The following CCDC91 variants were observed in gnomAD, a reference collection of about 807,000 sequenced individuals.
CCDC91 encodes coiled-coil domain containing 91, also known as coiled-coil domain-containing protein 91.
CCDC91 carries 48 observed loss-of-function variants against 63.2 expected under a neutral mutation model. The ratio of observed to expected loss-of-function variants is 0.76; its 90% confidence interval spans 0.60 to 0.97. The LOEUF is 0.97. Among genes scored for constraint, CCDC91 ranks in the 50% least tolerant of loss-of-function variants. The pLI is 0.00. For synonymous variants in CCDC91, 167 were observed against 165.8 expected, an observed-to-expected ratio of 1.01 and a Z score of -0.06; for missense variants, 500 against 494.6, an observed-to-expected ratio of 1.01 and a Z score of -0.10.
chr12:28,294,875 AC>A (rs2136878138), intron 3 of CCDC91, among the ~76,000 whole-genome samples: 1 of 152,264 alleles, frequency 6.6e-6, no homozygotes, highest in African/African-American at 2.4e-5. Context: ...TTGAGCTACT[AC>A]GCTTGACCTA....
chr12:28,404,945 C>T (rs1004378338), intron 8 of CCDC91, among the ~76,000 whole-genome samples: 3 of 151,952 alleles, frequency 2.0e-5, no homozygotes, highest in Non-Finnish European at 4.4e-5. Flanking sequence ...TATTATATTT[C>T]TGTCTTTTAA....
chr12:28,504,460 A>G (rs535817480), intron 12 of CCDC91, among the ~76,000 whole-genome samples: 1 of 151,982 alleles, frequency 6.6e-6, no homozygotes. Context: ...ACTTCCCAGC[A>G]TAGTAATTTC....
At chr12:28,332,192 A>C (rs1460121772) in intron 6 of CCDC91, among the ~76,000 whole-genome samples, 1 of 152,176 alleles carries the variant, frequency 6.6e-6, no homozygotes, top group African/African-American at 2.4e-5. Flanking sequence ...CTGACATAGG[A>C]ACAGGTAAAT....
chr12:28,400,287 T>C (rs888225761), intron 8 of CCDC91, among the ~76,000 whole-genome samples: 10 of 152,262 alleles, frequency 6.6e-5, no homozygotes, highest in Admixed American at 5.9e-4. Flanking sequence ...CTTTTAGTCA[T>C]GGCTGGAGCT....
intron 1 of CCDC91, among the ~76,000 whole-genome samples, chr12:28,214,641 A>G (rs925841944): frequency 1.3e-5 from 2 of 152,052 alleles, no homozygotes; most frequent in Non-Finnish European, 2.9e-5. Flanking sequence ...GTAATATAAG[A>G]TAGTTCGACT....
chr12:28,362,470 G>A lies in CCDC91; in HGVS notation c.609G>A (p.Arg203=). 6.3e-7 allele frequency: 1 copy of A among 1,598,298 alleles called. No individual in the cohort carries two copies. Among genetic ancestry groups the A allele is most frequent in the Non-Finnish European group, 8.5e-7 (1 of 1,171,886 alleles). ...EKHKQELEDM[R]KAGHEALSII... ...ATAAACAAGAATTGGAAGACATGAG[G>A]AAAGCTGGTCACGAAGCCCTCAGCA... The change falls in exon 7 of 13, where the codon AGG becomes AGA. Residue 203 remains arginine, a synonymous_variant. Transcript: ENST00000536442.
intron 1 of CCDC91, among the ~76,000 whole-genome samples, chr12:28,232,984 A>C (rs1038055907): frequency 6.6e-6 from 1 of 152,008 alleles, no homozygotes; most frequent in African/African-American, 2.4e-5. Context: ...AAAAAAAAAA[A>C]AAAAAAAATA....
chr12:28,345,952 G>C (rs574214160), intron 6 of CCDC91, among the ~76,000 whole-genome samples: 39 of 151,908 alleles, frequency 2.6e-4, no homozygotes, highest in African/African-American at 8.9e-4. Flanking sequence ...TTTTCTTCCT[G>C]AACAACTTTT....
Position 28,362,479 on chromosome 12 carries a change from T to C in CCDC91, c.618T>C (p.Gly206=). 6.3e-7 allele frequency: 1 copy of C among 1,599,544 alleles called. No homozygotes were observed. The highest frequency in any genetic ancestry group is 8.5e-7 in the Non-Finnish European group (1 of 1,172,686). The change falls in exon 7 of 13, where the codon GGT becomes GGC. Residue 206 remains glycine, a synonymous_variant. Coordinates refer to ENST00000536442, the MANE Select transcript of CCDC91 (RefSeq NM_018318.5). The part of the protein sequence containing the change: ...KQELEDMRKA[G]HEALSIIVDE... ...AATTGGAAGACATGAGGAAAGCTGG[T>C]CACGAAGCCCTCAGCATTATTGTGG... is the stretch of plus-strand genomic sequence containing the variant.
At chr12:28,534,873 C>T (rs1300787732) in intron 12 of CCDC91, among the ~76,000 whole-genome samples, 1 of 152,160 alleles carries the variant, frequency 6.6e-6, no homozygotes, top group Non-Finnish European at 1.5e-5. Context: ...TTTAACCAAC[C>T]CAGGCAAGGT....
chr12:28,337,843 G>A (rs1286334679), intron 6 of CCDC91, among the ~76,000 whole-genome samples: 1 of 151,614 alleles, frequency 6.6e-6, no homozygotes, highest in African/African-American at 2.4e-5. Context: ...TTCCTTTTGG[G>A]ATTGCAATAT....
intron 6 of CCDC91, among the ~76,000 whole-genome samples, chr12:28,339,416 G>C (rs901914124): frequency 6.6e-6 from 1 of 151,822 alleles, no homozygotes; most frequent in Non-Finnish European, 1.5e-5. Context: ...GTTTGGGGCT[G>C]GCATACTTAA....
intron 6 of CCDC91, among the ~76,000 whole-genome samples, chr12:28,335,565 G>T (rs1165951585): frequency 6.6e-6 from 1 of 150,974 alleles, no homozygotes; most frequent in Non-Finnish European, 1.5e-5. Flanking sequence ...ATGCCACCGT[G>T]CCCGTCTGAT....
In CCDC91 at chr12:28,288,609, T is replaced by C. The variant is rs184389605; in HGVS notation, c.110-17040T>C. Reference sequence around the variant, plus strand: ...TTGGTTTGCCACAAGTGTTTTTGCATTGATGTTCATCAAGGATATTGGCAT... The same window carrying C: ...TTGGTTTGCCACAAGTGTTTTTGCACTGATGTTCATCAAGGATATTGGCAT... On this transcript the variant is annotated intron_variant, in intron 3 of 12. Transcript: ENST00000536442. Among the ~76,000 whole-genome samples, 366 of 152,246 alleles carry C rather than the reference T, an allele frequency of 2.4e-3. 3 individuals carry two copies. The highest frequency in any genetic ancestry group is 4.4e-4 in the Non-Finnish European group (30 of 67,964).
chr12:28,305,024 A>G (rs1592257351), intron 3 of CCDC91, among the ~76,000 whole-genome samples: 2 of 152,266 alleles, frequency 1.3e-5, no homozygotes, highest in African/African-American at 4.8e-5. Context: ...GCAAACTTAA[A>G]CTGACTTTAT....
intron 1 of CCDC91, among the ~76,000 whole-genome samples, chr12:28,199,324 G>A (rs1490023726): frequency 2.0e-5 from 3 of 151,850 alleles, no homozygotes; most frequent in Non-Finnish European, 4.4e-5. Context: ...CTAAGTTTAA[G>A]TTTACAAATT....
intron 3 of CCDC91, among the ~76,000 whole-genome samples, chr12:28,282,756 G>T (rs1259900558): frequency 1.3e-5 from 2 of 151,984 alleles, no homozygotes; most frequent in African/African-American, 4.8e-5. Flanking sequence ...TTGCATTTGG[G>T]ATCTTAGTCA....
chr12:28,252,879 A>G (rs1014377014), intron 1 of CCDC91, among the ~76,000 whole-genome samples: 6 of 152,170 alleles, frequency 3.9e-5, no homozygotes, highest in Middle Eastern at 3.2e-3. Flanking sequence ...TGTATCAGAT[A>G]CTGTTCTGAG....
At chr12:28,399,704 G>T (rs1262117910) in intron 8 of CCDC91, among the ~76,000 whole-genome samples, 1 of 152,210 alleles carries the variant, frequency 6.6e-6, no homozygotes, top group Non-Finnish European at 1.5e-5. Context: ...GGGAGAAATT[G>T]GCAAAAATAA....
Sources: gnomAD v4.1 joint callset for allele counts (sites outside exome capture counted in the v4.1 genomes callset) on GRCh38, gnomAD v4.1.1 for gene constraint, MANE v1.5 for transcripts, NCBI Gene and HGNC (gene_info 2026-07-23, HGNC 2026-07-21) for gene names.